EYS: variants seen among roughly 807,000 people sequenced by gnomAD.
EYS encodes the protein EGF-like photoreceptor maintenance factor.
Under a neutral mutation model 282.1 loss-of-function variants are expected in EYS, and 250 were observed. That is an observed-to-expected ratio of 0.89 (90% CI 0.80 to 0.98). EYS has a LOEUF of 0.98. EYS is among the 50% of genes least tolerant of loss of function. EYS has a pLI of 0.00. For synonymous variants in EYS, 1,355 were observed against 1,282.9 expected (o/e 1.06, Z -1.20); for missense variants, 4,016 against 3,709.0 (o/e 1.08, Z -2.15).
chr6:65,431,313 T>A (rs2150384357), intron 5 of EYS, among the ~76,000 whole-genome samples: 1 of 152,272 alleles, frequency 6.6e-6, no homozygotes, highest in African/African-American at 2.4e-5. Flanking sequence ...GGTTGGTACT[T>A]CTCAATGCCC....
intron 21 of EYS, among the ~76,000 whole-genome samples, chr6:64,818,295 C>A (rs1261694650): frequency 1.3e-5 from 2 of 152,116 alleles, no homozygotes; most frequent in Admixed American, 6.6e-5. Flanking sequence ...TCTCCCCAGG[C>A]ATGCATTTGC....
At chr6:65,315,234 G>A (rs533952033) in intron 11 of EYS, among the ~76,000 whole-genome samples, 39 of 152,076 alleles carry the variant, frequency 2.6e-4, no homozygotes, top group African/African-American at 8.9e-4. Flanking sequence ...AATTTTATTT[G>A]TCTTTTTCTC....
chr6:65,701,144 T>A (rs1057476254), intron 1 of EYS, among the ~76,000 whole-genome samples: 7 of 152,322 alleles, frequency 4.6e-5, no homozygotes, highest in Non-Finnish European at 7.4e-5. Context: ...ACTTTTTAAA[T>A]ATATTTCTTC....
intron 35 of EYS, among the ~76,000 whole-genome samples, chr6:63,916,638 T>A (rs1188574222): frequency 6.6e-6 from 1 of 152,244 alleles, no homozygotes; most frequent in Admixed American, 6.5e-5. Context: ...TCATCAGATA[T>A]ATAATTTGTA....
At chr6:64,548,309 C>T (rs935444123) in intron 26 of EYS, among the ~76,000 whole-genome samples, 5 of 152,162 alleles carry the variant, frequency 3.3e-5, no homozygotes. Context: ...ACCATTTGAC[C>T]CAGCAATTAC....
At position 65,295,857 on chromosome 6, in the gene EYS, A is replaced by T; in HGVS notation, c.2023+6T>A. On this transcript the variant is annotated splice_donor_region_variant and intron_variant, in intron 12 of 42. Transcript: ENST00000503581. Reference sequence around the variant, plus strand: ...AATTTAATTTATCAGGAAAAAAAAAACTTGCCTTTAAATCCTGGGACACAC... The same window carrying T: ...AATTTAATTTATCAGGAAAAAAAAATCTTGCCTTTAAATCCTGGGACACAC... 1 of 1,526,246 alleles carries T rather than the reference A, an allele frequency of 6.6e-7. No homozygotes were observed. Among genetic ancestry groups the T allele is most frequent in the South Asian group, 1.3e-5 (1 of 76,826 alleles). 94.5% of individuals were successfully genotyped at this position (1,526,246 alleles called of 1,614,324 possible).
At position 64,092,408 on chromosome 6, in the gene EYS, C is replaced by G. The variant is rs1045830642; in HGVS notation, c.6425-10406G>C. ...TCCTATTTCTCCACATCCTCTCCAGCACCTGTTGTTTCCTGACTTTTTAAT... is the reference window on the plus strand; with the variant it reads ...TCCTATTTCTCCACATCCTCTCCAGGACCTGTTGTTTCCTGACTTTTTAAT... On this transcript the variant is annotated intron_variant, in intron 31 of 42. Coordinates refer to ENST00000503581, the MANE Select transcript of EYS (RefSeq NM_001142800.2). Among the ~76,000 whole-genome samples the G allele has an allele frequency of 2.6e-5, 4 of 152,254 alleles. No individual in the cohort carries two copies. In the East Asian group the frequency reaches 5.8e-4, roughly 22 times the overall value.
At chr6:65,183,744 T>C (rs1765449347) in intron 12 of EYS, among the ~76,000 whole-genome samples, 1 of 151,860 alleles carries the variant, frequency 6.6e-6, no homozygotes, top group Admixed American at 6.6e-5. Flanking sequence ...AACAAATGTG[T>C]CATATAGATG....
intron 30 of EYS, among the ~76,000 whole-genome samples, chr6:64,251,944 G>A (rs977206928): frequency 6.6e-5 from 10 of 152,110 alleles, no homozygotes; most frequent in Non-Finnish European, 1.3e-4. Flanking sequence ...AGATTTCAAG[G>A]TGGAAAAGGT....
intron 34 of EYS, among the ~76,000 whole-genome samples, chr6:63,987,243 T>C (rs1411243676): frequency 6.6e-6 from 1 of 151,686 alleles, no homozygotes; most frequent in African/African-American, 2.4e-5. Flanking sequence ...TTTTTCAGTG[T>C]AGCTGTAGAT....
At chr6:65,460,038 A>C (rs1235152957) in intron 5 of EYS, among the ~76,000 whole-genome samples, 1 of 137,926 alleles carries the variant, frequency 7.3e-6, no homozygotes, top group Non-Finnish European at 1.6e-5. Flanking sequence ...TATAATATAT[A>C]TCACTGATAT....
chr6:64,927,120 T>C (rs992543678), intron 15 of EYS, among the ~76,000 whole-genome samples: 6 of 152,162 alleles, frequency 3.9e-5, no homozygotes, highest in Admixed American at 3.3e-4. Context: ...GCATGAAAAT[T>C]GAAGGCAAAA....
At chr6:64,668,313 G>A (rs144003897) in intron 22 of EYS, among the ~76,000 whole-genome samples, 3 of 152,220 alleles carry the variant, frequency 2.0e-5, no homozygotes, top group Admixed American at 6.5e-5. Context: ...ATAACATTTT[G>A]TGTTGTTTTA....
chr6:63,900,616 G>T (rs1252249275), intron 35 of EYS, among the ~76,000 whole-genome samples: 1 of 152,146 alleles, frequency 6.6e-6, no homozygotes, highest in Non-Finnish European at 1.5e-5. Flanking sequence ...TTGGTGAGGA[G>T]TTAAAAGCAG....
Position 65,039,791 on chromosome 6 carries a change from T to TA in EYS, c.2137+17822dup, listed in dbSNP as rs549313742. On this transcript the variant is annotated intron_variant, in intron 13 of 42. Coordinates refer to ENST00000503581, the MANE Select transcript of EYS (RefSeq NM_001142800.2). The stretch of plus-strand genomic sequence containing the variant: ...TGGAGGAAGACTTTTGGTATCTTAG[T>TA]AAAAAAGGGTGTATTTTGCATGTAA... Among the ~76,000 whole-genome samples the TA allele has an allele frequency of 9.9e-5, 15 of 151,720 alleles. No individual in the cohort carries two copies. The East Asian group carries it at 2.5e-3, about 26-fold the overall frequency.
intron 30 of EYS, among the ~76,000 whole-genome samples, chr6:64,285,076 A>G (rs547160035): frequency 6.6e-6 from 1 of 152,320 alleles, no homozygotes; most frequent in East Asian, 1.9e-4. Flanking sequence ...TCTCCTCTGA[A>G]AATGGGATTT....
chr6:65,081,133 A>G (rs1359778010), intron 12 of EYS, among the ~76,000 whole-genome samples: 1 of 152,112 alleles, frequency 6.6e-6, no homozygotes, highest in Non-Finnish European at 1.5e-5. Flanking sequence ...TTAAATGGTG[A>G]ATACATATTT....
At chr6:64,309,812 A>G (rs1267481389) in intron 29 of EYS, among the ~76,000 whole-genome samples, 1 of 151,988 alleles carries the variant, frequency 6.6e-6, no homozygotes, top group Non-Finnish European at 1.5e-5. Context: ...TAAAAATACA[A>G]AACTTAGCTG....
intron 35 of EYS, among the ~76,000 whole-genome samples, chr6:63,876,844 T>G (rs1056127814): frequency 1.3e-5 from 2 of 152,214 alleles, no homozygotes; most frequent in Admixed American, 1.3e-4. Context: ...CATCCCATTA[T>G]TTTGAGCCTA....
Sources: gnomAD v4.1 joint callset for allele counts (sites outside exome capture counted in the v4.1 genomes callset) on GRCh38, gnomAD v4.1.1 for gene constraint, MANE v1.5 for transcripts, NCBI Gene and HGNC (gene_info 2026-07-23, HGNC 2026-07-21) for gene names.